THSD7B: variants seen among roughly 807,000 people sequenced by gnomAD.
THSD7B encodes thrombospondin type 1 domain containing 7B, also known as thrombospondin type-1 domain-containing protein 7B.
A neutral mutation model predicts 213.6 loss-of-function variants in THSD7B; 138 were observed. The observed-to-expected ratio is 0.65, with a 90% CI of 0.56 to 0.74. The LOEUF is 0.74. Ranked by LOEUF, THSD7B falls within the 30% of genes least tolerant of loss-of-function variation. THSD7B has a pLI of 0.00. For synonymous variants in THSD7B, 742 were observed against 687.0 expected, an observed-to-expected ratio of 1.08 and a Z score of -1.25; for missense variants, 1,931 against 1,991.5, an observed-to-expected ratio of 0.97 and a Z score of 0.58.
chr2:136,864,667 T>C (rs985658419), intron 1 of THSD7B, among the ~76,000 whole-genome samples: 8 of 152,110 alleles, frequency 5.3e-5, no homozygotes, highest in Non-Finnish European at 7.4e-5. Context: ...ATTCTCCTGC[T>C]TCAGCCCCCC....
chr2:137,182,033 A>G (rs918164332), intron 7 of THSD7B, among the ~76,000 whole-genome samples: 10 of 152,152 alleles, frequency 6.6e-5, no homozygotes, highest in Admixed American at 4.6e-4. Flanking sequence ...TAAATTGGAA[A>G]CTTCAGGTAA....
chr2:137,099,649 A>G (rs1293516248), intron 4 of THSD7B, among the ~76,000 whole-genome samples: 1 of 152,226 alleles, frequency 6.6e-6, no homozygotes, highest in East Asian at 1.9e-4. Flanking sequence ...CAGTTTTCAT[A>G]TGAAAATGGC....
chr2:136,906,940 T>TTTG (rs1684173402), intron 2 of THSD7B, among the ~76,000 whole-genome samples: 1 of 81,814 alleles, frequency 1.2e-5, no homozygotes, highest in Non-Finnish European at 2.6e-5. Flanking sequence ...TTCAAGGTTT[T>TTTG]TTTTTTTTTT....
chr2:137,233,670 G>A (rs1681695106), intron 9 of THSD7B, among the ~76,000 whole-genome samples: 2 of 152,190 alleles, frequency 1.3e-5, no homozygotes, highest in Admixed American at 6.5e-5. Flanking sequence ...TTTAAAGAGA[G>A]TAGCAAAATA....
At chr2:137,488,163 A>G (rs929862549) in intron 15 of THSD7B, among the ~76,000 whole-genome samples, 8 of 152,192 alleles carry the variant, frequency 5.3e-5, no homozygotes, top group African/African-American at 1.9e-4. Context: ...TCCAGACTGC[A>G]TTGGAACTAA....
intron 7 of THSD7B, among the ~76,000 whole-genome samples, chr2:137,204,808 A>T (rs1680949375): frequency 6.9e-6 from 1 of 143,888 alleles, no homozygotes; most frequent in Non-Finnish European, 1.6e-5. Flanking sequence ...ATAGATTATG[A>T]TGTAGTAATT....
At chr2:137,126,862 A>G (rs1446572953) in intron 5 of THSD7B, among the ~76,000 whole-genome samples, 1 of 152,066 alleles carries the variant, frequency 6.6e-6, no homozygotes, top group African/African-American at 2.4e-5. Context: ...AATTGGCCTA[A>G]TTTCAATATT....
chr2:137,540,645 C>G (rs1680593222), intron 15 of THSD7B, among the ~76,000 whole-genome samples: 1 of 151,684 alleles, frequency 6.6e-6, no homozygotes, highest in Admixed American at 6.6e-5. Flanking sequence ...CTTTGTTTGA[C>G]CTGACTCCAA....
intron 18 of THSD7B, among the ~76,000 whole-genome samples, chr2:137,617,879 T>C (rs352182): frequency 0.48 from 72,205 of 151,852 alleles, 18,154 homozygotes; most frequent in African/African-American, 0.63. Flanking sequence ...TTTATAAAGG[T>C]ACTAATTTCA....
At chr2:137,521,449 C>T (rs1012390646) in intron 15 of THSD7B, among the ~76,000 whole-genome samples, 2 of 151,964 alleles carry the variant, frequency 1.3e-5, no homozygotes, top group Admixed American at 6.6e-5. Flanking sequence ...TGCAGCACAC[C>T]TTCATCTAAG....
chr2:137,017,706 A>T (rs1004144297), intron 2 of THSD7B, among the ~76,000 whole-genome samples: 1 of 152,208 alleles, frequency 6.6e-6, no homozygotes, highest in African/African-American at 2.4e-5. Context: ...TTAGTCCCTC[A>T]GGAATCTCCC....
chr2:137,160,099 T>C (rs1463464666), intron 5 of THSD7B, 114 bp from the exon 6 acceptor site: 5 of 1,199,340 alleles, frequency 4.2e-6, no homozygotes, highest in Non-Finnish European at 5.7e-6. Context: ...TCTTTGCATA[T>C]GTTCTTTTTA....
rs1428908017 is a variant in THSD7B at position 137,611,011 on chromosome 2, A to AT, written c.3424-5164_3424-5163insT. ...AGTATAATAATAATAATAATAAATA[A>AT]AAAATAAAATAAAAAATAAAAAAGT... On this transcript the variant is annotated intron_variant, in intron 17 of 27. Transcript: ENST00000409968. Among the ~76,000 whole-genome samples, 942 of 149,226 alleles carry AT rather than the reference A, an allele frequency of 6.3e-3. 14 individuals carry two copies. Among genetic ancestry groups the AT allele is most frequent in the African/African-American group, 0.022 (903 of 41,104 alleles).
chr2:137,642,243 G>A (rs758598424), intron 20 of THSD7B: 27 of 416,792 alleles, frequency 6.5e-5, no homozygotes, highest in Non-Finnish European at 9.0e-5. Context: ...ACAATAGAAC[G>A]TTTGTACTTT....
intron 5 of THSD7B, among the ~76,000 whole-genome samples, chr2:137,142,023 A>T (rs1679598014): frequency 6.6e-6 from 1 of 152,326 alleles, no homozygotes; most frequent in South Asian, 2.1e-4. Context: ...GATAAACAAT[A>T]TTTCAACAAC....
At position 136,946,704 on chromosome 2, in the gene THSD7B, G is replaced by A. The variant is rs557895647; in HGVS notation, c.139+64387G>A. On this transcript the variant is annotated intron_variant, in intron 2 of 27. Coordinates refer to ENST00000409968, the MANE Select transcript of THSD7B (RefSeq NM_001316349.2). ...CCTCAGCAATGGTGGACACCCCTCCGCCTGCTGGGCTGCTGCCTCGCAGGT... is the reference window on the plus strand; with the variant it reads ...CCTCAGCAATGGTGGACACCCCTCCACCTGCTGGGCTGCTGCCTCGCAGGT... 3.1e-4 allele frequency among the ~76,000 whole-genome samples: 47 copies of A among 152,314 alleles called. 1 individual carries two copies. Among genetic ancestry groups the A allele is most frequent in the African/African-American group, 9.9e-4 (41 of 41,582 alleles).
intron 15 of THSD7B, among the ~76,000 whole-genome samples, chr2:137,500,486 C>A (rs1369414963): frequency 1.3e-5 from 2 of 152,166 alleles, no homozygotes; most frequent in East Asian, 3.9e-4. Context: ...AGGGTTGACA[C>A]ACCAACAAAG....
chr2:137,104,522 T>G (rs1241116724), intron 4 of THSD7B, among the ~76,000 whole-genome samples: 1 of 151,504 alleles, frequency 6.6e-6, no homozygotes, highest in Non-Finnish European at 1.5e-5. Flanking sequence ...GTAAACAAAT[T>G]CAAAAGCTAA....
intron 10 of THSD7B, among the ~76,000 whole-genome samples, chr2:137,265,194 A>C (rs1362721161): frequency 6.6e-6 from 1 of 152,200 alleles, no homozygotes; most frequent in African/African-American, 2.4e-5. Flanking sequence ...TCCATGGTGT[A>C]TATGTGCCAC....
Sources: allele counts gnomAD v4.1 joint callset (sites outside exome capture counted in the v4.1 genomes callset), GRCh38; gene constraint gnomAD v4.1.1; transcripts MANE v1.5; gene names NCBI Gene and HGNC (gene_info 2026-07-23, HGNC 2026-07-21).